PRKCQ: variants seen among roughly 807,000 people sequenced by gnomAD.
PRKCQ encodes protein kinase C theta type.
A neutral mutation model predicts 91.2 loss-of-function variants in PRKCQ; 41 were observed. The observed-to-expected ratio is 0.45, with a 90% CI of 0.35 to 0.58. PRKCQ has a LOEUF of 0.58. Ranked by LOEUF, PRKCQ falls within the 20% of genes least tolerant of loss-of-function variation. PRKCQ has a pLI of 0.00. For synonymous variants in PRKCQ, 307 were observed against 316.9 expected, an observed-to-expected ratio of 0.97 and a Z score of 0.33; for missense variants, 673 against 896.5, an observed-to-expected ratio of 0.75 and a Z score of 3.18.
intron 15 of PRKCQ, among the ~76,000 whole-genome samples, chr10:6,456,055 G>C (rs552261222): frequency 6.6e-6 from 1 of 152,226 alleles, no homozygotes; most frequent in Non-Finnish European, 1.5e-5. Context: ...TGTGAAAAGG[G>C]GGGAGGTGGG....
intron 1 of PRKCQ, among the ~76,000 whole-genome samples, chr10:6,549,408 A>G (rs564983468): frequency 6.6e-6 from 1 of 152,288 alleles, no homozygotes; most frequent in African/African-American, 2.4e-5. Flanking sequence ...TGGGCAAGAT[A>G]CTCACTTGGG....
At chr10:6,537,657 C>T (rs553350772) in intron 1 of PRKCQ, among the ~76,000 whole-genome samples, 4 of 152,314 alleles carry the variant, frequency 2.6e-5, no homozygotes, top group Non-Finnish European at 5.9e-5. Flanking sequence ...GTGAGATCTT[C>T]GTCAGGAGAC....
intron 1 of PRKCQ, among the ~76,000 whole-genome samples, chr10:6,542,773 A>G (rs1223124980): frequency 6.6e-6 from 1 of 152,134 alleles, no homozygotes; most frequent in East Asian, 1.9e-4. Context: ...TGTGCTTCTA[A>G]CTCATTACCT....
chr10:6,528,019 T>C lies in PRKCQ; in HGVS notation c.-9-12875A>G, dbSNP rs118091703. Among the ~76,000 whole-genome samples the C allele has an allele frequency of 3.1e-4, 47 of 152,256 alleles. No homozygotes were observed. The East Asian group carries it at 8.1e-3, about 26-fold the overall frequency. On this transcript the variant is annotated intron_variant, in intron 1 of 17. Coordinates refer to ENST00000263125, the MANE Select transcript of PRKCQ (RefSeq NM_006257.5). ...GTGCATAATGGATTTGTTCCTCTGC[T>C]CCCTGTTCTCACACATTTACCTTAT...
intron 1 of PRKCQ, among the ~76,000 whole-genome samples, chr10:6,522,173 C>A (rs974333269): frequency 6.6e-6 from 1 of 152,096 alleles, no homozygotes; most frequent in Admixed American, 6.6e-5. Flanking sequence ...AACTCCTGAC[C>A]TCAGGTGATC....
At chr10:6,436,705 A>G (rs1178783145) in intron 16 of PRKCQ, among the ~76,000 whole-genome samples, 3 of 152,216 alleles carry the variant, frequency 2.0e-5, no homozygotes, top group Admixed American at 6.6e-5. Context: ...TGCACTCAGC[A>G]TAATGCCTTG....
chr10:6,513,177 T>C (rs1224221566), intron 2 of PRKCQ, among the ~76,000 whole-genome samples: 2 of 152,218 alleles, frequency 1.3e-5, no homozygotes, highest in East Asian at 3.8e-4. Context: ...CGTAGCCTGT[T>C]TGTCCTTGTT....
At chr10:6,538,197 G>C (rs1248790013) in intron 1 of PRKCQ, among the ~76,000 whole-genome samples, 1 of 152,266 alleles carries the variant, frequency 6.6e-6, no homozygotes, top group Non-Finnish European at 1.5e-5. Flanking sequence ...CACTGTGCTA[G>C]TTCCAGTGGT....
intron 12 of PRKCQ, among the ~76,000 whole-genome samples, chr10:6,468,219 A>G (rs1233372921): frequency 6.6e-6 from 1 of 152,246 alleles, no homozygotes; most frequent in East Asian, 1.9e-4. Context: ...GAGGAATAGG[A>G]CATTTTGTGA....
chr10:6,440,180 G>A (rs1386524232), intron 16 of PRKCQ, among the ~76,000 whole-genome samples: 1 of 152,180 alleles, frequency 6.6e-6, no homozygotes, highest in Non-Finnish European at 1.5e-5. Flanking sequence ...GCAGAACTGT[G>A]AGTCAGTTAA....
chr10:6,456,935 T>C, intron 14 of PRKCQ, 123 bp from the exon 15 acceptor site: 3 of 978,008 alleles, frequency 3.1e-6, no homozygotes, highest in Non-Finnish European at 4.5e-6. Flanking sequence ...GAGGCGCTTA[T>C]GTATCTATCC....
rs116905084 is a variant in PRKCQ, at chr10:6,529,961, T to C, written c.-9-14817A>G. ...GAAAATACCATAGGAACTTGTTTCA[T>C]GGGTCATCAGACATGGCCCAGAACA... On this transcript the variant is annotated intron_variant, in intron 1 of 17. Coordinates refer to ENST00000263125, the MANE Select transcript of PRKCQ (RefSeq NM_006257.5). 5.8e-3 allele frequency among the ~76,000 whole-genome samples: 887 copies of C among 152,316 alleles called. 33 individuals carry two copies. The East Asian group carries it at 0.08, about 14-fold the overall frequency.
At chr10:6,413,951 C>A in the PRKCQ span, among the ~76,000 whole-genome samples, 5 of 152,304 alleles carry the variant, frequency 3.3e-5, no homozygotes, top group East Asian at 7.7e-4. Context: ...CAACCAAAAT[C>A]TAACAATAAA....
At chr10:6,473,819 C>T (rs1836123352) in intron 12 of PRKCQ, among the ~76,000 whole-genome samples, 1 of 151,954 alleles carries the variant, frequency 6.6e-6, no homozygotes, top group South Asian at 2.1e-4. Context: ...ATGGAAATAC[C>T]AGGATGACAT....
chr10:6,511,224 T>TCCTTCAGCCAGG (rs755232034), intron 2 of PRKCQ, 30 bp from the exon 3 acceptor site: 10 of 1,601,216 alleles, frequency 6.2e-6, no homozygotes, highest in African/African-American at 1.3e-5. Context: ...GTCTCATTAT[T>TCCTTCAGCCAGG]CCTTCAGCCA....
intron 1 of PRKCQ, among the ~76,000 whole-genome samples, chr10:6,554,825 C>A (rs1042633365): frequency 6.6e-6 from 1 of 152,134 alleles, no homozygotes; most frequent in Admixed American, 6.5e-5. Flanking sequence ...AATCACCCTA[C>A]CAAAAAGACA....
At chr10:6,531,641 G>A (rs1015258510) in intron 1 of PRKCQ, among the ~76,000 whole-genome samples, 1 of 151,996 alleles carries the variant, frequency 6.6e-6, no homozygotes, top group African/African-American at 2.4e-5. Flanking sequence ...GGTAGATTGA[G>A]GGACTCTGTC....
chr10:6,429,463 T>C (rs1261561244), intron 17 of PRKCQ, among the ~76,000 whole-genome samples: 1 of 152,172 alleles, frequency 6.6e-6, no homozygotes, highest in Non-Finnish European at 1.5e-5. Flanking sequence ...CAACTATTCT[T>C]GCCCTGGGAA....
At chr10:6,498,909 A>C (rs1837762426) in intron 4 of PRKCQ, among the ~76,000 whole-genome samples, 2 of 152,202 alleles carry the variant, frequency 1.3e-5, no homozygotes, top group South Asian at 4.1e-4. Flanking sequence ...TGTCACCATC[A>C]ATGATGACTC....
Sources: allele counts gnomAD v4.1 joint callset (sites outside exome capture counted in the v4.1 genomes callset), GRCh38; gene constraint gnomAD v4.1.1; transcripts MANE v1.5; gene names NCBI Gene and HGNC (gene_info 2026-07-23, HGNC 2026-07-21).